The following PDE1C variants were observed in gnomAD, a reference collection of about 807,000 sequenced individuals.
PDE1C encodes the protein dual specificity calcium/calmodulin-dependent 3',5'-cyclic nucleotide phosphodiesterase 1C.
A neutral mutation model predicts 93.1 loss-of-function variants in PDE1C; 62 were observed. The observed-to-expected ratio is 0.67, with a 90% CI of 0.54 to 0.82. PDE1C has a LOEUF of 0.82. PDE1C is among the 40% of genes least tolerant of loss of function. The pLI is 0.00. For synonymous variants in PDE1C, 325 were observed against 310.1 expected, an observed-to-expected ratio of 1.05 and a Z score of -0.50; for missense variants, 742 against 884.6, an observed-to-expected ratio of 0.84 and a Z score of 2.04.
chr7:31,623,886 C>T, the PDE1C span, among the ~76,000 whole-genome samples: 1 of 151,812 alleles, frequency 6.6e-6, no homozygotes, highest in South Asian at 2.1e-4. Flanking sequence ...TGTCTCAGCC[C>T]AAAATCTCCT....
At chr7:32,123,390 C>T (rs1584805170) in intron 3 of PDE1C, among the ~76,000 whole-genome samples, 1 of 150,464 alleles carries the variant, frequency 6.6e-6, no homozygotes, top group Admixed American at 6.7e-5. Flanking sequence ...ATACCAAAAC[C>T]TGGCAGAGAC....
intron 1 of PDE1C, among the ~76,000 whole-genome samples, chr7:32,401,112 G>C (rs61300681): frequency 1.3e-5 from 2 of 152,188 alleles, no homozygotes; most frequent in Non-Finnish European, 2.9e-5. Flanking sequence ...TGTTTTGATT[G>C]TACAACTGAA....
chr7:32,323,375 C>A (rs1377017483), intron 1 of PDE1C, among the ~76,000 whole-genome samples: 1 of 152,138 alleles, frequency 6.6e-6, no homozygotes, highest in Admixed American at 6.5e-5. Context: ...TGTCTTGAGA[C>A]ATACAATTGG....
At chr7:31,720,248 G>A in the PDE1C span, among the ~76,000 whole-genome samples, 1 of 150,950 alleles carries the variant, frequency 6.6e-6, no homozygotes, top group African/African-American at 2.4e-5. Flanking sequence ...AATTGGAGTA[G>A]GGGAGGTAGC....
chr7:31,790,736 T>C (rs1017785999), intron 16 of PDE1C, among the ~76,000 whole-genome samples: 7 of 152,108 alleles, frequency 4.6e-5, no homozygotes, highest in African/African-American at 1.7e-4. Flanking sequence ...AGATGTATCC[T>C]AGCCCAAATC....
chr7:31,953,931 A>G (rs992149847), intron 2 of PDE1C, among the ~76,000 whole-genome samples: 2 of 152,206 alleles, frequency 1.3e-5, no homozygotes, highest in Non-Finnish European at 2.9e-5. Flanking sequence ...AATAATTTAA[A>G]CCGTGATGAT....
chr7:32,053,658 C>T (rs763439685), intron 1 of PDE1C, among the ~76,000 whole-genome samples: 2 of 152,138 alleles, frequency 1.3e-5, no homozygotes, highest in Non-Finnish European at 2.9e-5. Flanking sequence ...ACAGCCCTTG[C>T]TATTGGTTTC....
chr7:32,346,293 T>C (rs1235980695), intron 1 of PDE1C, among the ~76,000 whole-genome samples: 1 of 152,234 alleles, frequency 6.6e-6, no homozygotes, highest in Non-Finnish European at 1.5e-5. Flanking sequence ...ATGCACCAGA[T>C]CTAGGTACCC....
intron 3 of PDE1C, among the ~76,000 whole-genome samples, chr7:32,101,366 G>C (rs1798028581): frequency 1.3e-5 from 2 of 152,172 alleles, no homozygotes; most frequent in Non-Finnish European, 2.9e-5. Flanking sequence ...ATAATTCAAG[G>C]TATTTACTAT....
chr7:31,673,935 T>C, the PDE1C span, among the ~76,000 whole-genome samples: 5 of 152,174 alleles, frequency 3.3e-5, no homozygotes, highest in Non-Finnish European at 7.3e-5. Flanking sequence ...AACATCATCA[T>C]GGGTAGCGAA....
chr7:32,226,934 G>A (rs1446910216), intron 1 of PDE1C, among the ~76,000 whole-genome samples: 4 of 152,132 alleles, frequency 2.6e-5, no homozygotes, highest in Non-Finnish European at 5.9e-5. Flanking sequence ...AGCCAGGTGC[G>A]GTCAGGGGCC....
intron 2 of PDE1C, among the ~76,000 whole-genome samples, chr7:32,205,968 G>C (rs1805451160): frequency 6.6e-6 from 1 of 152,150 alleles, no homozygotes; most frequent in Admixed American, 6.5e-5. Context: ...GTGGGTCCAT[G>C]TTTTCATTTT....
At chr7:32,296,194 A>C (rs1286593723) in intron 1 of PDE1C, among the ~76,000 whole-genome samples, 1 of 152,126 alleles carries the variant, frequency 6.6e-6, no homozygotes, top group African/African-American at 2.4e-5. Flanking sequence ...CTTTTTTATT[A>C]TTGTATTTTC....
chr7:32,299,002 A>G, exon 1 of PDE1C: 1 of 1,259,670 alleles, frequency 7.9e-7, no homozygotes, highest in Non-Finnish European at 1.0e-6. Flanking sequence ...AGGCGGCGAG[A>G]GGAGTGTCAG....
chr7:32,256,126 C>G (rs1449886319), intron 1 of PDE1C, among the ~76,000 whole-genome samples: 2 of 152,166 alleles, frequency 1.3e-5, no homozygotes, highest in East Asian at 3.9e-4. Flanking sequence ...ATTGCCTGAA[C>G]TAGTTCCAGT....
At chr7:31,651,896 G>A in the PDE1C span, 2 of 1,398,292 alleles carry the variant, frequency 1.4e-6, no homozygotes, top group Non-Finnish European at 2.0e-6. Context: ...TTGCACCTGG[G>A]AAGGATTGTT....
At chr7:31,915,886 G>T (rs1801826479) in intron 2 of PDE1C, among the ~76,000 whole-genome samples, 1 of 152,084 alleles carries the variant, frequency 6.6e-6, no homozygotes, top group African/African-American at 2.4e-5. Flanking sequence ...TTTATGATTA[G>T]GTTTGACGAA....
chr7:32,095,532 T>C (rs1385058224), intron 3 of PDE1C, among the ~76,000 whole-genome samples: 1 of 152,182 alleles, frequency 6.6e-6, no homozygotes, highest in African/African-American at 2.4e-5. Context: ...GCCAGAATCA[T>C]ACCAGCCCTA....
chr7:31,691,540 T>G, the PDE1C span, among the ~76,000 whole-genome samples: 1 of 152,042 alleles, frequency 6.6e-6, no homozygotes, highest in Non-Finnish European at 1.5e-5. Context: ...CCTTCAGACC[T>G]GACACATATC....
Sources: gnomAD v4.1 joint callset for allele counts (sites outside exome capture counted in the v4.1 genomes callset) on GRCh38, gnomAD v4.1.1 for gene constraint, MANE v1.5 for transcripts, NCBI Gene and HGNC (gene_info 2026-07-23, HGNC 2026-07-21) for gene names.